NCOR2: variants seen among roughly 807,000 people sequenced by gnomAD.
NCOR2 encodes the protein nuclear receptor corepressor 2.
NCOR2 carries 81 observed loss-of-function variants against 262.9 expected under a neutral mutation model. The observed-to-expected ratio is 0.31, with a 90% confidence interval of 0.26 to 0.37. NCOR2 has a LOEUF of 0.37. Among genes scored for constraint, NCOR2 ranks in the 10% least tolerant of loss-of-function variants. The pLI is 1.00. For synonymous variants in NCOR2, 1,659 were observed against 1,559.3 expected (o/e 1.06, Z -1.51); for missense variants, 3,385 against 3,621.4 (o/e 0.93, Z 1.68).
intron 1 of NCOR2, among the ~76,000 whole-genome samples, chr12:124,521,132 G>A (rs893348213): frequency 6.6e-6 from 1 of 152,216 alleles, no homozygotes; most frequent in Non-Finnish European, 1.5e-5. Flanking sequence ...CCAGAACTCT[G>A]AGGACCAGAT....
chr12:124,329,676 G>A (rs139924254), intron 44 of NCOR2, among the ~76,000 whole-genome samples: 117 of 148,938 alleles, frequency 7.9e-4, no homozygotes, highest in African/African-American at 2.9e-3. Flanking sequence ...CCTGGGAGGC[G>A]GAGGCTGCAG....
At chr12:124,363,196 G>A (rs2135972250) in intron 21 of NCOR2, among the ~76,000 whole-genome samples, 1 of 152,370 alleles carries the variant, frequency 6.6e-6, no homozygotes, top group South Asian at 2.1e-4. Flanking sequence ...TCAGCTCAGG[G>A]TCTTTTAGCC....
intron 7 of NCOR2, 89 bp downstream of exon 9, chr12:124,449,726 G>A (rs554422468): frequency 3.4e-6 from 5 of 1,471,526 alleles, no homozygotes; most frequent in Non-Finnish European, 4.7e-6. Flanking sequence ...GGAACAGAGA[G>A]CCCACGTCCC....
chr12:124,486,656 C>G, intron 1 of NCOR2, 88 bp from the exon 4 acceptor site: 5 of 1,450,128 alleles, frequency 3.4e-6, no homozygotes, highest in Non-Finnish European at 4.6e-6. Flanking sequence ...GCCGTGGACT[C>G]CCTGCTCAGG....
chr12:124,354,070 C>T lies in NCOR2; in HGVS notation c.3693+23G>A, dbSNP rs368491588. 9.4e-6 allele frequency: 15 copies of T among 1,599,086 alleles called. No individual in the cohort carries two copies. In the African/African-American group the frequency reaches 1.9e-4, roughly 20 times the overall value. ...CCCGTGCTGGTCCCAACCGTCCTTC[C>T]TGCCGCACCCCAGGACACCTACGTG... On this transcript the variant is annotated intron_variant, in intron 27 of 46. Coordinates refer to ENST00000405201, the Ensembl canonical transcript of NCOR2.
intron 1 of NCOR2, among the ~76,000 whole-genome samples, chr12:124,511,131 G>C (rs908179334): frequency 6.6e-6 from 1 of 152,238 alleles, no homozygotes; most frequent in Non-Finnish European, 1.5e-5. Context: ...TGCAAACAGA[G>C]AGACTGAGGC....
chr12:124,544,052 G>C (rs1409948482), intron 1 of NCOR2, among the ~76,000 whole-genome samples: 1 of 152,236 alleles, frequency 6.6e-6, no homozygotes, highest in Non-Finnish European at 1.5e-5. Flanking sequence ...CACACTCAGC[G>C]TCAGTCAGCA....
chr12:124,521,619 T>C (rs906090600), intron 1 of NCOR2, among the ~76,000 whole-genome samples: 6 of 152,034 alleles, frequency 3.9e-5, no homozygotes, highest in Admixed American at 3.9e-4. Flanking sequence ...CAACGTGAAG[T>C]GACCCCACCG....
At chr12:124,521,467 CG>C (rs1329775147) in intron 1 of NCOR2, among the ~76,000 whole-genome samples, 2 of 152,172 alleles carry the variant, frequency 1.3e-5, no homozygotes, top group Non-Finnish European at 2.9e-5. Flanking sequence ...CCATTCAACA[CG>C]GATCAACCTC....
exon 14 of NCOR2, chr12:124,402,481 A>T (rs2042035988): frequency 6.2e-7 from 1 of 1,610,338 alleles, no homozygotes; most frequent in South Asian, 1.1e-5. Flanking sequence ...TCTCCTTCTC[A>T]TCTTTCTCCT....
In NCOR2 at chr12:124,457,383, C is replaced by T. The variant is rs975209721; in HGVS notation, c.706-221G>A. ...CCCACAGCGGCCCCAGCAAGCCAGC[C>T]AAGTTTCGATTTTAGCAAATGCGCC... On this transcript the variant is annotated intron_variant, in intron 5 of 46. Coordinates refer to ENST00000405201, the Ensembl canonical transcript of NCOR2. The surrounding 1 kb of genome is among the most constrained non-coding windows in gnomAD (Gnocchi z 4.0). Among the ~76,000 whole-genome samples the T allele has an allele frequency of 6.6e-6, 1 of 151,886 alleles. No individual in the cohort carries two copies. Among genetic ancestry groups the T allele is most frequent in the Non-Finnish European group, 1.5e-5 (1 of 67,958 alleles).
At chr12:124,449,962 C>T (rs997471847) in intron 6 of NCOR2, 95 bp from the exon 9 acceptor site, 3 of 1,329,114 alleles carry the variant, frequency 2.3e-6, no homozygotes, top group Non-Finnish European at 3.2e-6. Flanking sequence ...CACGGAGGAG[C>T]TGTCCTCTGG....
chr12:124,563,449 CA>C (rs775412795), intron 1 of NCOR2, among the ~76,000 whole-genome samples: 2 of 152,234 alleles, frequency 1.3e-5, no homozygotes, highest in Non-Finnish European at 2.9e-5. Context: ...CTCCGCTGTG[CA>C]ACCTCAGGCG....
At chr12:124,379,253 A>G (rs1223250504) in intron 17 of NCOR2, among the ~76,000 whole-genome samples, 1 of 151,832 alleles carries the variant, frequency 6.6e-6, no homozygotes, top group African/African-American at 2.4e-5. Context: ...CTTTCCCCGC[A>G]CCGCACCCTG....
intron 41 of NCOR2, 85 bp downstream of exon 43, chr12:124,334,339 G>A (rs2035684851): frequency 9.7e-7 from 1 of 1,034,898 alleles, no homozygotes; most frequent in African/African-American, 1.7e-5. Context: ...ATATGCAGCT[G>A]AGCTCAGACC....
chr12:124,390,491 G>GC (rs1454931376), intron 16 of NCOR2, among the ~76,000 whole-genome samples: 2 of 115,086 alleles, frequency 1.7e-5, no homozygotes, highest in Non-Finnish European at 3.4e-5. Context: ...CCCCCCCGTC[G>GC]CCCTGCCATC....
At chr12:124,502,273 G>C (rs906775991) in intron 1 of NCOR2, among the ~76,000 whole-genome samples, 3 of 152,196 alleles carry the variant, frequency 2.0e-5, no homozygotes, top group African/African-American at 7.2e-5. Context: ...TGTCTACCAC[G>C]ATTTGTTAAG....
intron 2 of NCOR2, 79 bp downstream of exon 4, chr12:124,486,362 C>T (rs1433077012): frequency 3.8e-5 from 60 of 1,574,094 alleles, no homozygotes; most frequent in Non-Finnish European, 3.6e-5. Flanking sequence ...TGTGCTCCTG[C>T]TCTGCCACGG....
At position 124,517,301 on chromosome 12, in the gene NCOR2, G is replaced by A. The variant is rs928784668; in HGVS notation, c.-118+18264C>T. 1.3e-5 allele frequency among the ~76,000 whole-genome samples: 2 copies of A among 152,004 alleles called. No individual in the cohort carries two copies. Among genetic ancestry groups the A allele is most frequent in the Non-Finnish European group, 2.9e-5 (2 of 67,990 alleles). ...TCAGAGGTCCCCAGGAGCCATTCCCGCCACCTCCCTATGGCCGCGGCGCAC... is the reference window on the plus strand; with the variant it reads ...TCAGAGGTCCCCAGGAGCCATTCCCACCACCTCCCTATGGCCGCGGCGCAC... On this transcript the variant is annotated intron_variant, in intron 1 of 46. Transcript: ENST00000404621. The surrounding 1 kb of genome is among the most constrained non-coding windows in gnomAD (Gnocchi z 7.6).
Sources: allele counts gnomAD v4.1 joint callset (sites outside exome capture counted in the v4.1 genomes callset), GRCh38; gene constraint gnomAD v4.1.1; non-coding constraint Gnocchi (gnomAD v3.1); transcripts MANE v1.5; gene names NCBI Gene and HGNC (gene_info 2026-07-23, HGNC 2026-07-21).